The following CAMTA1 variants were observed in gnomAD, a reference collection of about 807,000 sequenced individuals.
CAMTA1 encodes the protein calmodulin-binding transcription activator 1.
Under a neutral mutation model 170.9 loss-of-function variants are expected in CAMTA1, and 27 were observed. The observed-to-expected ratio is 0.16, with a 90% CI of 0.12 to 0.22. The LOEUF (loss-of-function observed/expected upper bound fraction) is 0.22, where lower values mean the gene tolerates loss of function less well. Ranked by LOEUF, CAMTA1 falls within the 10% of genes least tolerant of loss-of-function variation. The probability of loss-of-function intolerance (pLI) is 1.00; values close to 1 mark genes in which losing one functional copy is unlikely to be tolerated. For synonymous variants in CAMTA1, 833 were observed against 891.5 expected (o/e 0.93, Z 1.17); for missense variants, 1,619 against 2,217.2 (o/e 0.73, Z 5.42).
At chr1:7,362,351 G>C (rs1209136009) in intron 5 of CAMTA1, among the ~76,000 whole-genome samples, 2 of 152,124 alleles carry the variant, frequency 1.3e-5, no homozygotes, top group Non-Finnish European at 2.9e-5. Flanking sequence ...ATTGGACTTG[G>C]GTACAGGTGG....
chr1:7,453,592 G>A (rs1315722102), intron 5 of CAMTA1, among the ~76,000 whole-genome samples: 2 of 152,220 alleles, frequency 1.3e-5, no homozygotes, highest in Non-Finnish European at 1.5e-5. Flanking sequence ...AAGTCCTGGG[G>A]GAAGGCTGCC....
At position 7,293,197 on chromosome 1, in the gene CAMTA1, T is replaced by TG. The variant is rs926142424; in HGVS notation, c.438+43575dup. Among the ~76,000 whole-genome samples, 1 of 152,104 alleles carries TG rather than the reference T, an allele frequency of 6.6e-6. No homozygotes were observed. Among genetic ancestry groups the TG allele is most frequent in the African/African-American group, 2.4e-5 (1 of 41,418 alleles). ...TGGGAAGGGATTGCGCTGCAGAAGC[T>TG]GGGGCTGGTAAAGGCTGGGGAGCAA... On this transcript the variant is annotated intron_variant, in intron 5 of 22. Transcript: ENST00000303635. This position sits in a 1 kb window ranked among gnomAD's most constrained non-coding sequence, Gnocchi z 4.1.
chr1:7,408,301 G>C (rs10127772), intron 5 of CAMTA1, among the ~76,000 whole-genome samples: 49,448 of 152,278 alleles, frequency 0.32, 8,894 homozygotes, highest in Middle Eastern at 0.61. Context: ...GCTCAGCAAG[G>C]ACTTGGCACA....
At chr1:7,742,902 C>G (rs1451833143) in intron 16 of CAMTA1, among the ~76,000 whole-genome samples, 1 of 152,086 alleles carries the variant, frequency 6.6e-6, no homozygotes, top group African/African-American at 2.4e-5. Flanking sequence ...CATCTTGGCT[C>G]ACTGCAACTT....
chr1:7,440,768 G>A lies in CAMTA1; in HGVS notation c.439-27062G>A, dbSNP rs78041488. On this transcript the variant is annotated intron_variant, in intron 5 of 22. Coordinates refer to ENST00000303635, the MANE Select transcript of CAMTA1 (RefSeq NM_015215.4). Reference sequence around the variant, plus strand: ...AAACCTCCTCTTGCTCCCACTCTCCGTGGCTTGCGGGCCAAGCGACATCAG... The same window carrying A: ...AAACCTCCTCTTGCTCCCACTCTCCATGGCTTGCGGGCCAAGCGACATCAG... Among the ~76,000 whole-genome samples the A allele has an allele frequency of 2.8e-3, 427 of 152,282 alleles. 12 individuals carry two copies. In the East Asian group the frequency reaches 0.059, roughly 21 times the overall value.
intron 5 of CAMTA1, among the ~76,000 whole-genome samples, chr1:7,379,057 A>C (rs992971279): frequency 2.6e-5 from 4 of 152,134 alleles, no homozygotes; most frequent in Non-Finnish European, 5.9e-5. Context: ...TGAGCACCTG[A>C]TGGTGAAATG....
intron 7 of CAMTA1, among the ~76,000 whole-genome samples, chr1:7,649,288 T>C (rs1399325011): frequency 2.0e-5 from 3 of 152,176 alleles, no homozygotes; most frequent in Admixed American, 2.0e-4. Flanking sequence ...AGCAGCTCGG[T>C]CCCTGAGAGC....
At chr1:7,652,303 T>G (rs1464437595) in intron 7 of CAMTA1, among the ~76,000 whole-genome samples, 1 of 152,156 alleles carries the variant, frequency 6.6e-6, no homozygotes, top group Non-Finnish European at 1.5e-5. Context: ...CCAGGTTTTC[T>G]TCCCCCTTCC....
chr1:7,084,779 G>A (rs1017889645), intron 3 of CAMTA1, among the ~76,000 whole-genome samples: 5 of 152,232 alleles, frequency 3.3e-5, no homozygotes, highest in African/African-American at 1.2e-4. Context: ...AAGCACCTGA[G>A]ACACGGCTGA....
intron 3 of CAMTA1, among the ~76,000 whole-genome samples, chr1:6,876,219 CCT>C (rs1244065979): frequency 4.0e-5 from 6 of 151,606 alleles, no homozygotes; most frequent in Admixed American, 3.9e-4. Flanking sequence ...TTCGTAGTTC[CCT>C]CTTTCCTTGT....
At chr1:7,601,807 GGC>G (rs2095445856) in intron 6 of CAMTA1, among the ~76,000 whole-genome samples, 1 of 152,178 alleles carries the variant, frequency 6.6e-6, no homozygotes, top group Non-Finnish European at 1.5e-5. Context: ...CAGGCATGGC[GGC>G]GCGCGCCTGC....
chr1:7,513,710 G>A lies in CAMTA1; in HGVS notation c.510+45809G>A, dbSNP rs181360863. Reference sequence around the variant, plus strand: ...GGCCGAGATGGGAGTATCACCTGAGGTCGGGATATTGAGACCAGCCTGACC... The same window carrying A: ...GGCCGAGATGGGAGTATCACCTGAGATCGGGATATTGAGACCAGCCTGACC... On this transcript the variant is annotated intron_variant, in intron 6 of 22. Transcript: ENST00000303635. Among the ~76,000 whole-genome samples the A allele has an allele frequency of 1.5e-3, 225 of 152,192 alleles. 1 individual carries two copies. Among genetic ancestry groups the A allele is most frequent in the African/African-American group, 5.3e-3 (218 of 41,508 alleles).
Position 7,510,533 on chromosome 1 carries a change from C to G in CAMTA1, c.510+42632C>G, listed in dbSNP as rs992809954. ...GTCACAGCTGTAGCTCGTACTATGACTGCGATGGGCAGAGCCCAGTCTGCC... is the reference window on the plus strand; with the variant it reads ...GTCACAGCTGTAGCTCGTACTATGAGTGCGATGGGCAGAGCCCAGTCTGCC... On this transcript the variant is annotated intron_variant, in intron 6 of 22. Transcript: ENST00000303635. Among the ~76,000 whole-genome samples, 5 of 146,666 alleles carry G rather than the reference C, an allele frequency of 3.4e-5. 2 individuals are homozygous for G. Among genetic ancestry groups the G allele is most frequent in the Non-Finnish European group, 7.7e-5 (5 of 65,272 alleles).
At position 7,769,075 on chromosome 1, in the gene CAMTA1, C is replaced by G. The variant is rs2097040786; in HGVS notation, c.*2584C>G. ...AGAAAATGACAGATGGTAGAGACTT[C>G]CATAGAATTAAGAGGGTTCTCATGG... On this transcript the variant is annotated 3_prime_UTR_variant, in exon 23 of 23. Coordinates refer to ENST00000303635, the MANE Select transcript of CAMTA1 (RefSeq NM_015215.4). 1 of 152,428 alleles carries G rather than the reference C, an allele frequency of 6.6e-6. No individual in the cohort carries two copies. The highest frequency in any genetic ancestry group is 2.4e-5 in the African/African-American group (1 of 41,278). The allele number at this position is 152,428 out of a possible 1,614,324, so 9.4% of individuals were successfully genotyped here.
At chr1:6,796,142 T>TG (rs1642447007) in intron 1 of CAMTA1, among the ~76,000 whole-genome samples, 1 of 139,500 alleles carries the variant, frequency 7.2e-6, no homozygotes, top group South Asian at 2.5e-4. Context: ...CTTTTTTTTT[T>TG]TTTTTTTTTT....
intron 5 of CAMTA1, among the ~76,000 whole-genome samples, chr1:7,284,191 T>TATC (rs1557438737): frequency 7.4e-6 from 1 of 135,546 alleles, no homozygotes; most frequent in Non-Finnish European, 1.5e-5. Context: ...TTATTATTAT[T>TATC]ATTATTATTA....
chr1:7,525,737 C>G (rs1401848127), intron 6 of CAMTA1, among the ~76,000 whole-genome samples: 1 of 152,228 alleles, frequency 6.6e-6, no homozygotes, highest in African/African-American at 2.4e-5. Flanking sequence ...GCTCCTCCAT[C>G]TCAGGTCACA....
In CAMTA1 at chr1:7,272,992, C is replaced by T. The variant is rs568861642; in HGVS notation, c.438+23366C>T. Among the ~76,000 whole-genome samples, 4 of 152,196 alleles carry T rather than the reference C, an allele frequency of 2.6e-5. No homozygotes were observed. The East Asian group carries it at 5.8e-4, about 22-fold the overall frequency. On this transcript the variant is annotated intron_variant, in intron 5 of 22. Transcript: ENST00000303635. ...AAGATATATGAATAGCCAATTAACA[C>T]ACGAAAATATATTTAACAGCATCAT...
chr1:7,124,344 T>A (rs953324532), intron 4 of CAMTA1, among the ~76,000 whole-genome samples: 2 of 152,150 alleles, frequency 1.3e-5, no homozygotes, highest in African/African-American at 4.8e-5. Flanking sequence ...ACACTGTCCC[T>A]CCCGTTGTGG....
Sources: allele counts gnomAD v4.1 joint callset (sites outside exome capture counted in the v4.1 genomes callset), GRCh38; gene constraint gnomAD v4.1.1; non-coding constraint Gnocchi (gnomAD v3.1); transcripts MANE v1.5; gene names NCBI Gene and HGNC (gene_info 2026-07-23, HGNC 2026-07-21).